MAP3K5: variants seen among roughly 807,000 people sequenced by gnomAD.
MAP3K5 encodes mitogen-activated protein kinase kinase kinase 5.
MAP3K5 carries 56 observed loss-of-function variants against 158.7 expected under a neutral mutation model. The ratio of observed to expected loss-of-function variants is 0.35; its 90% confidence interval spans 0.28 to 0.44. The LOEUF is 0.44. Ranked by LOEUF, MAP3K5 falls within the 20% of genes least tolerant of loss-of-function variation. The probability of loss-of-function intolerance (pLI) is 1.00; values close to 1 mark genes in which losing one functional copy is unlikely to be tolerated. For missense variants in MAP3K5, 1,294 were observed against 1,674.8 expected, an observed-to-expected ratio of 0.77 and a Z score of 3.97; for synonymous variants, 579 against 601.7, an observed-to-expected ratio of 0.96 and a Z score of 0.55.
intron 25 of MAP3K5, among the ~76,000 whole-genome samples, chr6:136,574,565 A>C (rs1774513689): frequency 6.6e-6 from 1 of 152,186 alleles, no homozygotes; most frequent in Non-Finnish European, 1.5e-5. Context: ...TGCTGCCAAT[A>C]ATCTAAAGGC....
At chr6:136,659,120 A>T in intron 9 of MAP3K5, 99 bp downstream of exon 9, 1 of 1,066,238 alleles carries the variant, frequency 9.4e-7, no homozygotes, top group Non-Finnish European at 1.3e-6. Flanking sequence ...TTATTTTATA[A>T]GCAAATAAAA....
intron 11 of MAP3K5, among the ~76,000 whole-genome samples, chr6:136,646,840 T>C (rs754311694): frequency 2.0e-5 from 3 of 152,244 alleles, no homozygotes; most frequent in Non-Finnish European, 2.9e-5. Context: ...TAGACAGTTA[T>C]ATTGATTATT....
rs370906742 is a variant in MAP3K5 at position 136,737,029 on chromosome 6, A to ATG, written c.449-16442_449-16441dup. ...TGACAAATTAATTTTACATATATATATGTGTGTGTATATATATATATATAT... is the reference window on the plus strand; with the variant it reads ...TGACAAATTAATTTTACATATATATATGTGTGTGTGTATATATATATATATAT... On this transcript the variant is annotated intron_variant, in intron 1 of 29. Coordinates refer to ENST00000359015, the MANE Select transcript of MAP3K5 (RefSeq NM_005923.4). Among the ~76,000 whole-genome samples, 171 of 120,342 alleles carry ATG rather than the reference A, an allele frequency of 1.4e-3. 3 individuals carry two copies. Among genetic ancestry groups the ATG allele is most frequent in the African/African-American group, 5.2e-3 (162 of 31,254 alleles). 78.9% of individuals were successfully genotyped at this position (120,342 alleles called of 152,430 possible).
chr6:136,778,996 T>C (rs886350284), intron 1 of MAP3K5, among the ~76,000 whole-genome samples: 1 of 151,956 alleles, frequency 6.6e-6, no homozygotes, highest in Non-Finnish European at 1.5e-5. Context: ...TGAGACCTTG[T>C]CTCTACAAAA....
At chr6:136,576,107 T>A (rs1281934125) in intron 25 of MAP3K5, among the ~76,000 whole-genome samples, 1 of 152,236 alleles carries the variant, frequency 6.6e-6, no homozygotes, top group Non-Finnish European at 1.5e-5. Flanking sequence ...CATATATTTA[T>A]TTATTCAATT....
intron 1 of MAP3K5, among the ~76,000 whole-genome samples, chr6:136,759,450 A>G (rs1470229982): frequency 7.9e-6 from 1 of 126,062 alleles, no homozygotes; most frequent in African/African-American, 3.4e-5. Flanking sequence ...CCTTTATACT[A>G]AAACTATATA....
intron 1 of MAP3K5, among the ~76,000 whole-genome samples, chr6:136,726,338 A>T (rs1288219387): frequency 6.6e-6 from 1 of 152,222 alleles, no homozygotes; most frequent in Non-Finnish European, 1.5e-5. Context: ...CTCACCTGTA[A>T]TCTCAACACT....
In MAP3K5 at chr6:136,698,730, C is replaced by T. The variant is rs78679476; in HGVS notation, c.613-48G>A. 2,072 of 1,355,664 alleles carry T rather than the reference C, an allele frequency of 1.5e-3. 27 individuals carry two copies. In the African/African-American group the frequency reaches 0.026, roughly 17 times the overall value. The allele number at this position is 1,355,664 out of a possible 1,614,324, so 84.0% of individuals were successfully genotyped here. A position where few individuals can be genotyped will look rare whatever the true frequency, so the allele number is the denominator to read the frequency against. On this transcript the variant is annotated intron_variant, in intron 3 of 29. Coordinates refer to ENST00000359015, the MANE Select transcript of MAP3K5 (RefSeq NM_005923.4). The stretch of plus-strand genomic sequence containing the variant: ...CAAGTGGGGAGCTGGCCTGGAGACA[C>T]GGCACAGATGGAATCCCACGTCTTA...
intron 1 of MAP3K5, among the ~76,000 whole-genome samples, chr6:136,779,540 G>C (rs1784530757): frequency 6.6e-6 from 1 of 151,814 alleles, no homozygotes; most frequent in South Asian, 2.1e-4. Context: ...TGCTGTTTGT[G>C]TATGGCTTGC....
chr6:136,590,754 A>G (rs1001129123), intron 23 of MAP3K5, among the ~76,000 whole-genome samples: 2 of 151,866 alleles, frequency 1.3e-5, no homozygotes, highest in South Asian at 4.2e-4. Flanking sequence ...GTTAGCCAGG[A>G]TGGTCTCGAT....
At chr6:136,769,696 A>T (rs1784097169) in intron 1 of MAP3K5, among the ~76,000 whole-genome samples, 1 of 146,110 alleles carries the variant, frequency 6.8e-6, no homozygotes, top group Non-Finnish European at 1.5e-5. Context: ...GCACTGGCAC[A>T]CAAGGCTGAC....
At chr6:136,700,342 C>T (rs999876854) in intron 3 of MAP3K5, among the ~76,000 whole-genome samples, 17 of 152,020 alleles carry the variant, frequency 1.1e-4, no homozygotes, top group African/African-American at 2.4e-4. Flanking sequence ...GAAACAGACA[C>T]GTGCGTGACT....
At chr6:136,576,601 C>T (rs1774629950) in intron 25 of MAP3K5, among the ~76,000 whole-genome samples, 1 of 152,234 alleles carries the variant, frequency 6.6e-6, no homozygotes, top group South Asian at 2.1e-4. Flanking sequence ...GACACCATGC[C>T]CAACTACAAT....
intron 7 of MAP3K5, among the ~76,000 whole-genome samples, chr6:136,675,162 C>T (rs1779653053): frequency 6.6e-6 from 1 of 151,672 alleles, no homozygotes; most frequent in African/African-American, 2.4e-5. Context: ...CCCAAATGTA[C>T]CTAATAGCAT....
At chr6:136,670,588 ATAGGCACAATAGTGTATATTG>A (rs1348377517) in intron 7 of MAP3K5, among the ~76,000 whole-genome samples, 135 of 152,306 alleles carry the variant, frequency 8.9e-4, no homozygotes, top group African/African-American at 3.0e-3. Context: ...AAACATAGTG[ATAGGCACAATAGTGTATATTG>A]TAGGCACAAT....
chr6:136,717,548 G>A (rs1019302740), intron 2 of MAP3K5, among the ~76,000 whole-genome samples: 1 of 152,214 alleles, frequency 6.6e-6, no homozygotes, highest in Non-Finnish European at 1.5e-5. Flanking sequence ...TGAAAACAGA[G>A]AAATGCTTTG....
intron 1 of MAP3K5, 42 bp downstream of exon 1, chr6:136,791,668 G>C: frequency 6.3e-7 from 1 of 1,596,174 alleles, no homozygotes; most frequent in Non-Finnish European, 8.6e-7. Context: ...GATTAAACGC[G>C]GGTCCCGACC....
chr6:136,764,709 C>T (rs536653525), intron 1 of MAP3K5, among the ~76,000 whole-genome samples: 1 of 152,318 alleles, frequency 6.6e-6, no homozygotes, highest in South Asian at 2.1e-4. Context: ...CAAGTCCACA[C>T]TGTGAATATA....
At chr6:136,674,334 T>A (rs1362180515) in intron 7 of MAP3K5, among the ~76,000 whole-genome samples, 1 of 152,058 alleles carries the variant, frequency 6.6e-6, no homozygotes, top group Non-Finnish European at 1.5e-5. Flanking sequence ...ATCTATTGAT[T>A]ATTTAAACTG....
Sources: gnomAD v4.1 joint callset for allele counts (sites outside exome capture counted in the v4.1 genomes callset) on GRCh38, gnomAD v4.1.1 for gene constraint, MANE v1.5 for transcripts, NCBI Gene and HGNC (gene_info 2026-07-23, HGNC 2026-07-21) for gene names.